RAI14: variants seen among roughly 807,000 people sequenced by gnomAD.
RAI14 encodes ankycorbin.
In RAI14, 45 loss-of-function variants were observed where a neutral mutation model predicts 115.4. The ratio of observed to expected loss-of-function variants is 0.39; its 90% CI spans 0.31 to 0.50. The LOEUF (loss-of-function observed/expected upper bound fraction) is 0.50. RAI14 is among the 20% of genes least tolerant of loss of function. The pLI is 0.85. For synonymous variants in RAI14, 371 were observed against 415.4 expected (o/e 0.89, Z 1.30); for missense variants, 939 against 1,131.2 (o/e 0.83, Z 2.44).
At chr5:34,740,043 A>G (rs1289574800) in intron 2 of RAI14, among the ~76,000 whole-genome samples, 2 of 151,984 alleles carry the variant, frequency 1.3e-5, no homozygotes. Flanking sequence ...ACAGAGCAAG[A>G]CTCTGTCTCA....
intron 5 of RAI14, among the ~76,000 whole-genome samples, chr5:34,804,036 G>T (rs1754587091): frequency 6.6e-6 from 1 of 151,982 alleles, no homozygotes. Flanking sequence ...CCCTTTATTT[G>T]GTTCCTTCTT....
Position 34,823,723 on chromosome 5 carries a change from T to C in RAI14, c.1881T>C (p.Ala627=), listed in dbSNP as rs771351094. The C allele has an allele frequency of 6.2e-7, 1 of 1,614,072 alleles. No individual in the cohort carries two copies. Among genetic ancestry groups the C allele is most frequent in the East Asian group, 2.2e-5 (1 of 44,880 alleles). ...SQMTQEASDE[A]EDMKEAMNRM... is the part of the protein sequence containing the mutation. ...TGACACAGGAAGCCAGTGATGAAGC[T>C]GAGGACATGAAAGAAGCCATGAATA... The change falls in exon 15 of 18, where the codon GCT becomes GCC. Residue 627 remains alanine (A), a synonymous_variant. Coordinates refer to ENST00000265109, the MANE Select transcript of RAI14 (RefSeq NM_015577.3). The surrounding 1 kb of genome is among the most constrained non-coding windows in gnomAD (Gnocchi z 4.5).
intron 2 of RAI14, among the ~76,000 whole-genome samples, chr5:34,736,102 A>G (rs1314871664): frequency 1.3e-5 from 2 of 152,008 alleles, no homozygotes; most frequent in Non-Finnish European, 2.9e-5. Flanking sequence ...GTGCTTTGCA[A>G]TGTATAAGAA....
At position 34,785,537 on chromosome 5, in the gene RAI14, T is replaced by C. The variant is rs193201103; in HGVS notation, c.168-10402T>C. ...AGTGCAAAATATGACTACTTTGATA[T>C]ACTTCAGGGGTTACCAACTCCAGCT... On this transcript the variant is annotated intron_variant, in intron 3 of 17. Coordinates refer to ENST00000265109, the MANE Select transcript of RAI14 (RefSeq NM_015577.3). 7.9e-4 allele frequency among the ~76,000 whole-genome samples: 120 copies of C among 152,308 alleles called. 1 individual carries two copies. The highest frequency in any genetic ancestry group is 2.7e-3 in the African/African-American group (114 of 41,566).
Position 34,726,458 on chromosome 5 carries a change from A to G in RAI14, c.37-31010A>G, listed in dbSNP as rs1246434751. Among the ~76,000 whole-genome samples, 7 of 152,160 alleles carry G rather than the reference A, an allele frequency of 4.6e-5. 1 individual carries two copies. Among genetic ancestry groups the G allele is most frequent in the African/African-American group, 1.2e-4 (5 of 41,434 alleles). On this transcript the variant is annotated intron_variant, in intron 2 of 17. Transcript: ENST00000265109. ...AACCAGACCTCATGAGAACGCACTC[A>G]CTATCACAAGAACAGCAAGGGGGAA...
intron 3 of RAI14, among the ~76,000 whole-genome samples, chr5:34,793,219 G>T (rs937609182): frequency 1.3e-5 from 2 of 152,260 alleles, no homozygotes; most frequent in Admixed American, 6.5e-5. Context: ...TGTATTGATC[G>T]TGGGCCTTCC....
intron 1 of RAI14, among the ~76,000 whole-genome samples, chr5:34,683,750 TG>T (rs199995400): frequency 6.6e-6 from 1 of 151,572 alleles, no homozygotes; most frequent in African/African-American, 2.4e-5. Flanking sequence ...TTTTTTGAGA[TG>T]GAGTCTCACT....
intron 7 of RAI14, 54 bp from the exon 8 acceptor site, chr5:34,810,958 C>T (rs1450621577): frequency 1.2e-6 from 2 of 1,606,398 alleles, no homozygotes; most frequent in East Asian, 2.2e-5. Context: ...CTGACTTTTG[C>T]AATTCTGGCA....
At chr5:34,786,466 C>T (rs1319618426) in intron 3 of RAI14, among the ~76,000 whole-genome samples, 1 of 152,206 alleles carries the variant, frequency 6.6e-6, no homozygotes, top group African/African-American at 2.4e-5. Context: ...TCCTTTGCCA[C>T]TTTAGCTTTA....
At chr5:34,820,503 T>C (rs1756713801) in intron 13 of RAI14, among the ~76,000 whole-genome samples, 1 of 152,188 alleles carries the variant, frequency 6.6e-6, no homozygotes, top group Non-Finnish European at 1.5e-5. Flanking sequence ...TCCCAGCTAC[T>C]TGGGAAGCTG....
intron 5 of RAI14, among the ~76,000 whole-genome samples, chr5:34,806,899 T>C (rs1754971440): frequency 6.6e-6 from 1 of 152,220 alleles, no homozygotes; most frequent in South Asian, 2.1e-4. Context: ...TGAGTTTGAA[T>C]CTTGGCTCTG....
intron 1 of RAI14, among the ~76,000 whole-genome samples, chr5:34,666,338 C>T (rs1027538720): frequency 5.3e-5 from 8 of 151,872 alleles, no homozygotes; most frequent in African/African-American, 1.9e-4. Context: ...GTCCCAGGCA[C>T]CTCCTGACAG....
intron 2 of RAI14, among the ~76,000 whole-genome samples, chr5:34,704,221 G>A (rs942716881): frequency 1.3e-5 from 2 of 152,190 alleles, no homozygotes; most frequent in African/African-American, 4.8e-5. Context: ...GAGGCTCTGT[G>A]TCCAATGAGA....
intron 2 of RAI14, among the ~76,000 whole-genome samples, chr5:34,696,643 A>C (rs1412815026): frequency 6.6e-6 from 1 of 152,218 alleles, no homozygotes; most frequent in African/African-American, 2.4e-5. Flanking sequence ...TTTCCACAGA[A>C]GGTCTTGTTT....
In RAI14 at chr5:34,730,159, A is replaced by G. The variant is rs150744189; in HGVS notation, c.37-27309A>G. On this transcript the variant is annotated intron_variant, in intron 2 of 17. Transcript: ENST00000265109. ...TTTTTGGATATATTTAAGTATTTCC[A>G]TAATAAAAATACTAGTTTTCACCTA... 9.2e-5 allele frequency among the ~76,000 whole-genome samples: 14 copies of G among 152,334 alleles called. No homozygotes were observed. In the East Asian group the frequency reaches 2.7e-3, roughly 29 times the overall value.
rs1245176799 is a variant in RAI14, at chr5:34,827,671, T to C, written c.2799+1192T>C. On this transcript the variant is annotated intron_variant, in intron 16 of 17. Coordinates refer to ENST00000265109, the MANE Select transcript of RAI14 (RefSeq NM_015577.3). The surrounding 1 kb of genome is among the most constrained non-coding windows in gnomAD (Gnocchi z 4.2). Reference sequence around the variant, plus strand: ...TTAGGAGAAGCTGCTCTTTACTGTGTTCTGCAGGTCATTCTTCTCCTGATA... The same window carrying C: ...TTAGGAGAAGCTGCTCTTTACTGTGCTCTGCAGGTCATTCTTCTCCTGATA... 6.6e-6 allele frequency among the ~76,000 whole-genome samples: 1 copy of C among 152,234 alleles called. No homozygotes were observed. The highest frequency in any genetic ancestry group is 1.5e-5 in the Non-Finnish European group (1 of 68,034).
At chr5:34,689,910 A>C (rs556762979) in intron 2 of RAI14, among the ~76,000 whole-genome samples, 1 of 152,252 alleles carries the variant, frequency 6.6e-6, no homozygotes, top group Admixed American at 6.5e-5. Context: ...CAAAAAAAGA[A>C]TGTCAAAAAT....
intron 2 of RAI14, among the ~76,000 whole-genome samples, chr5:34,699,309 G>A: frequency 6.6e-6 from 1 of 152,152 alleles, no homozygotes; most frequent in East Asian, 1.9e-4. Flanking sequence ...TCCAAAAGTG[G>A]CTGTAACAAA....
At chr5:34,781,048 G>T (rs561615039) in intron 3 of RAI14, among the ~76,000 whole-genome samples, 2 of 152,050 alleles carry the variant, frequency 1.3e-5, no homozygotes, top group African/African-American at 2.4e-5. Context: ...TCATAAAAAA[G>T]GATGAGTTCA....
Sources: allele counts gnomAD v4.1 joint callset (sites outside exome capture counted in the v4.1 genomes callset), GRCh38; gene constraint gnomAD v4.1.1; non-coding constraint Gnocchi (gnomAD v3.1); transcripts MANE v1.5; gene names NCBI Gene and HGNC (gene_info 2026-07-23, HGNC 2026-07-21).